The following MACF1 variants were observed in gnomAD, a reference collection of about 807,000 sequenced individuals.
MACF1 encodes microtubule actin crosslinking factor 1, also known as microtubule-actin cross-linking factor 1.
A neutral mutation model predicts 854.8 loss-of-function variants in MACF1; 193 were observed. The observed-to-expected ratio is 0.23, with a 90% CI of 0.20 to 0.25. MACF1 has a LOEUF of 0.25. MACF1 is among the 10% of genes least tolerant of loss of function. The probability of loss-of-function intolerance (pLI) is 1.00; values close to 1 mark genes in which losing one functional copy is unlikely to be tolerated. For synonymous variants in MACF1, 3,185 were observed against 3,226.7 expected, an observed-to-expected ratio of 0.99 and a Z score of 0.44; for missense variants, 7,722 against 8,929.1, an observed-to-expected ratio of 0.86 and a Z score of 5.45.
At chr1:39,346,666 C>T (rs1311863140) in intron 40 of MACF1, among the ~76,000 whole-genome samples, 1 of 151,780 alleles carries the variant, frequency 6.6e-6, no homozygotes, top group African/African-American at 2.4e-5. Context: ...ACTACAGGCG[C>T]CTGCCACTAC....
intron 6 of MACF1, among the ~76,000 whole-genome samples, chr1:39,277,331 A>G (rs895686358): frequency 3.9e-5 from 6 of 152,240 alleles, no homozygotes; most frequent in African/African-American, 1.4e-4. Flanking sequence ...AGGAAAAAAC[A>G]TTGATGTTAA....
rs531813146 is a variant in MACF1 at position 39,135,230 on chromosome 1, T to G, written c.220+50792T>G. ...TGCTAATAATATGATTATTTTTGGG[T>G]TTTTTTGACATCTTATTTAATTAAT... On this transcript the variant is annotated intron_variant, in intron 2 of 93. Coordinates refer to the MACF1 transcript ENST00000361689. 1.1e-4 allele frequency among the ~76,000 whole-genome samples: 16 copies of G among 152,256 alleles called. No homozygotes were observed. In the South Asian group the frequency reaches 3.1e-3, roughly 30 times the overall value.
At position 39,434,578 on chromosome 1, in the gene MACF1, A is replaced by G. The variant is rs551139718; in HGVS notation, c.17730A>G (p.Leu5910=). 1 of 1,614,178 alleles carries G rather than the reference A, an allele frequency of 6.2e-7. No homozygotes were observed. The highest frequency in any genetic ancestry group is 1.7e-5 in the Admixed American group (1 of 60,012). The change falls in exon 69 of 101, where the codon TTA becomes TTG. Residue 5910 remains leucine (L), a synonymous_variant. Coordinates refer to ENST00000564288, the MANE Select transcript of MACF1 (RefSeq NM_001394062.1). ...AAACTCGGGCACTAATAGCACAGTTACCCTCTCCAGCCATTGATCATGAGC... is the reference window on the plus strand; with the variant it reads ...AAACTCGGGCACTAATAGCACAGTTGCCCTCTCCAGCCATTGATCATGAGC... ...IEETRALIAQ[L]PSPAIDHEQL... is the part of the protein sequence containing the mutation.
In MACF1 at chr1:39,293,623, A is replaced by G. The variant is rs370791461; in HGVS notation, c.2154+4A>G. On this transcript the variant is annotated splice_donor_region_variant and intron_variant, in intron 18 of 100. Coordinates refer to ENST00000564288, the MANE Select transcript of MACF1 (RefSeq NM_001394062.1). ...AGCCAAGAGAAATTACTTCTCTGTGAGTCTAGCACAGTAGCAGGCCTGTCA... is the reference window on the plus strand; with the variant it reads ...AGCCAAGAGAAATTACTTCTCTGTGGGTCTAGCACAGTAGCAGGCCTGTCA... The G allele has an allele frequency of 1.2e-6, 2 of 1,610,556 alleles. No homozygotes were observed. The highest frequency in any genetic ancestry group is 2.7e-5 in the African/African-American group (2 of 74,826).
intron 58 of MACF1, among the ~76,000 whole-genome samples, chr1:39,390,793 T>C (rs1179947009): frequency 2.0e-5 from 3 of 152,192 alleles, no homozygotes; most frequent in African/African-American, 7.2e-5. Context: ...CTGAAACTTA[T>C]CCCTTTAGGC....
chr1:39,284,344 C>T lies in MACF1; in HGVS notation c.1047C>T (p.Asn349=), dbSNP rs1483750025. The T allele has an allele frequency of 6.3e-7, 1 of 1,587,374 alleles. No homozygotes were observed. The highest frequency in any genetic ancestry group is 2.2e-5 in the East Asian group (1 of 44,754). ...QNPVELKALY[N]QYIHFKETEI... ...TATTAATTTTATAGGCACTTTATAA[C>T]CAATATATACACTTCAAAGAAACAG... Residue 349 remains asparagine (N), a synonymous_variant, in exon 11 of 101, where the codon AAC becomes AAT. Coordinates refer to ENST00000564288, the MANE Select transcript of MACF1 (RefSeq NM_001394062.1).
rs892577115 is a variant in MACF1 at position 39,444,671 on chromosome 1, T to C, written c.19441T>C (p.Ser6481Pro). The C allele has an allele frequency of 1.8e-5, 29 of 1,610,970 alleles. No individual in the cohort carries two copies. Among genetic ancestry groups the C allele is most frequent in the Non-Finnish European group, 2.5e-5 (29 of 1,178,142 alleles). ...CTGCCTTTTCTTGTAGGAACTCTAT[T>C]CCCAGCTGAAAGCCAAGGAAGAGAC... ...EQLDTHMELYSQLKAKEETYN... is the reference protein window; with the variant it reads ...EQLDTHMELYPQLKAKEETYN... The change falls in exon 80 of 101, where the codon TCC becomes CCC. Residue 6481 changes from serine (S) to proline (P), a missense_variant. Coordinates refer to ENST00000564288, the MANE Select transcript of MACF1 (RefSeq NM_001394062.1).
At chr1:39,227,652 C>T (rs1028333078) in intron 1 of MACF1, among the ~76,000 whole-genome samples, 3 of 152,166 alleles carry the variant, frequency 2.0e-5, no homozygotes, top group African/African-American at 7.2e-5. Context: ...CTTCCCCTTA[C>T]CTATAGGATA....
intron 2 of MACF1, among the ~76,000 whole-genome samples, chr1:39,239,417 C>A (rs1451141029): frequency 6.6e-6 from 1 of 152,180 alleles, no homozygotes; most frequent in African/African-American, 2.4e-5. Context: ...TTGGGATAAG[C>A]AAATTAATTC....
intron 58 of MACF1, among the ~76,000 whole-genome samples, chr1:39,408,380 G>A (rs1642798002): frequency 6.6e-6 from 1 of 152,222 alleles, no homozygotes; most frequent in Non-Finnish European, 1.5e-5. Flanking sequence ...CCGGGAAAGT[G>A]CCGGGTTTAA....
chr1:39,241,659 C>CAA (rs35678466), intron 2 of MACF1, among the ~76,000 whole-genome samples: 8,213 of 49,020 alleles, frequency 0.17, 702 homozygotes, highest in Non-Finnish European at 0.22. Context: ...GACTCCATCT[C>CAA]AAAAAAAAAA....
intron 38 of MACF1, 134 bp from the exon 39 acceptor site, chr1:39,340,368 A>C (rs1646910127): frequency 4.7e-6 from 3 of 633,474 alleles, no homozygotes; most frequent in Non-Finnish European, 8.2e-6. Context: ...AAGTAAACTA[A>C]TGAATGTACA....
chr1:39,380,904 C>T (rs1054179198), intron 55 of MACF1, among the ~76,000 whole-genome samples: 2 of 151,720 alleles, frequency 1.3e-5, no homozygotes, highest in Admixed American at 6.6e-5. Flanking sequence ...AGAGAGGGAC[C>T]TTGTCTCCAA....
In MACF1 at chr1:39,105,962, G is replaced by C. The variant is rs1280126776; in HGVS notation, c.220+21524G>C. On this transcript the variant is annotated intron_variant, in intron 2 of 93. Transcript: ENST00000361689. This position sits in a 1 kb window ranked among gnomAD's most constrained non-coding sequence, Gnocchi z 5.9. ...AGTTACATGATTTGCCCTATTATCCGGCCCCAGCTGGAAGAAGGCGAGACA... is the reference window on the plus strand; with the variant it reads ...AGTTACATGATTTGCCCTATTATCCCGCCCCAGCTGGAAGAAGGCGAGACA... Among the ~76,000 whole-genome samples, 1 of 152,214 alleles carries C rather than the reference G, an allele frequency of 6.6e-6. No homozygotes were observed. The highest frequency in any genetic ancestry group is 1.5e-5 in the Non-Finnish European group (1 of 68,038).
At chr1:39,136,148 C>T (rs529539156) in intron 2 of MACF1, among the ~76,000 whole-genome samples, 31 of 152,310 alleles carry the variant, frequency 2.0e-4, no homozygotes, top group African/African-American at 7.2e-4. Context: ...CAATGCAGCC[C>T]ACCACCAGAA....
Position 39,460,405 on chromosome 1 carries a change from T to G in MACF1, c.21361-227T>G, listed in dbSNP as rs925262050. Reference sequence around the variant, plus strand: ...CTCCATATTTTCCATGGTGATTCAGTTATTGTTTCTCTTGCTATTCCATTA... The same window carrying G: ...CTCCATATTTTCCATGGTGATTCAGGTATTGTTTCTCTTGCTATTCCATTA... On this transcript the variant is annotated intron_variant, in intron 91 of 100. Transcript: ENST00000564288. This position sits in a 1 kb window ranked among gnomAD's most constrained non-coding sequence, Gnocchi z 4.1. Among the ~76,000 whole-genome samples, 12 of 152,228 alleles carry G rather than the reference T, an allele frequency of 7.9e-5. No homozygotes were observed. The highest frequency in any genetic ancestry group is 2.9e-4 in the African/African-American group (12 of 41,460).
intron 23 of MACF1, among the ~76,000 whole-genome samples, chr1:39,305,203 G>A (rs1435205866): frequency 6.6e-6 from 1 of 150,598 alleles, no homozygotes; most frequent in East Asian, 2.0e-4. Context: ...GGAGGTTGCA[G>A]TGAGCTGAGA....
At chr1:39,140,925 A>AAG (rs1643330015) in intron 2 of MACF1, among the ~76,000 whole-genome samples, 1 of 149,874 alleles carries the variant, frequency 6.7e-6, no homozygotes, top group Admixed American at 6.6e-5. Context: ...AAAAAAAAAA[A>AAG]AAAAAAAAAA....
At position 39,442,285 on chromosome 1, in the gene MACF1, T is replaced by C; in HGVS notation, c.18913T>C (p.Trp6305Arg). 2 of 1,601,874 alleles carry C rather than the reference T, an allele frequency of 1.2e-6. No homozygotes were observed. Among genetic ancestry groups the C allele is most frequent in the Non-Finnish European group, 1.7e-6 (2 of 1,175,796 alleles). ...REPLTELKHLWENLGEKIAHR... is the reference protein window; with the variant it reads ...REPLTELKHLRENLGEKIAHR... ...ACCACTGACAGAACTCAAACACCTC[T>C]GGGAGAACCTGGGTGAGAAAATTGC... Residue 6305 changes from tryptophan to arginine, a missense_variant, in exon 76 of 101, where the codon TGG becomes CGG. Coordinates refer to ENST00000564288, the MANE Select transcript of MACF1 (RefSeq NM_001394062.1).
Sources: gnomAD v4.1 joint callset for allele counts (sites outside exome capture counted in the v4.1 genomes callset) on GRCh38, gnomAD v4.1.1 for gene constraint, Gnocchi (gnomAD v3.1) non-coding constraint, MANE v1.5 for transcripts, NCBI Gene and HGNC (gene_info 2026-07-23, HGNC 2026-07-21) for gene names.